The following PCDH9 variants were observed in gnomAD, a reference collection of about 807,000 sequenced individuals.
PCDH9 encodes protocadherin-9.
PCDH9 carries 24 observed loss-of-function variants against 70.6 expected under a neutral mutation model. That is an observed-to-expected ratio of 0.34 (90% CI 0.25 to 0.48). The LOEUF is 0.48. Among genes scored for constraint, PCDH9 ranks in the 20% least tolerant of loss-of-function variants. PCDH9 has a pLI of 0.99. For synonymous variants in PCDH9, 562 were observed against 558.5 expected, an observed-to-expected ratio of 1.01 and a Z score of -0.09; for missense variants, 1,281 against 1,503.6, an observed-to-expected ratio of 0.85 and a Z score of 2.45.
chr13:66,379,769 G>T (rs1298719181), intron 4 of PCDH9, among the ~76,000 whole-genome samples: 1 of 152,080 alleles, frequency 6.6e-6, no homozygotes, highest in Admixed American at 6.6e-5. Flanking sequence ...AAAATACTGT[G>T]TCTGAATTAT....
At position 66,984,217 on chromosome 13, in the gene PCDH9, A is replaced by G. The variant is rs189002469; in HGVS notation, c.3037-80612T>C. 3.3e-5 allele frequency among the ~76,000 whole-genome samples: 5 copies of G among 152,272 alleles called. No individual in the cohort carries two copies. In the East Asian group the frequency reaches 9.6e-4, roughly 29 times the overall value. On this transcript the variant is annotated intron_variant, in intron 2 of 4. Coordinates refer to ENST00000377865, the MANE Select transcript of PCDH9 (RefSeq NM_203487.3). ...GTCAGATTCCAGTTACTGTAACACAAAACAGGGAAATTGCTCACCATATAT... is the reference window on the plus strand; with the variant it reads ...GTCAGATTCCAGTTACTGTAACACAGAACAGGGAAATTGCTCACCATATAT...
In PCDH9 at chr13:67,225,398, C is replaced by T; in HGVS notation, c.3036+7G>A. ...GTACTTATAGACCAGTAAAAGTGCTCGTTTACCTGTCTGGTGTGTAAGGGG... is the reference window on the plus strand; with the variant it reads ...GTACTTATAGACCAGTAAAAGTGCTTGTTTACCTGTCTGGTGTGTAAGGGG... On this transcript the variant is annotated splice_region_variant and intron_variant, in intron 2 of 4. Transcript: ENST00000377865. 1 of 1,613,160 alleles carries T rather than the reference C, an allele frequency of 6.2e-7. No homozygotes were observed. The highest frequency in any genetic ancestry group is 2.2e-5 in the East Asian group (1 of 44,880).
At chr13:67,209,412 G>T (rs2089424528) in intron 2 of PCDH9, 1 of 152,020 alleles carries the variant, frequency 6.6e-6, no homozygotes, top group Admixed American at 6.6e-5. Flanking sequence ...TCCAAAATGT[G>T]GCATTTCTGG....
chr13:66,840,496 T>TA (rs2081098184), intron 3 of PCDH9, among the ~76,000 whole-genome samples: 1 of 152,256 alleles, frequency 6.6e-6, no homozygotes. Flanking sequence ...CTGTTTTATT[T>TA]AACGTATCTA....
At chr13:66,581,416 A>G (rs1009475919) in intron 4 of PCDH9, among the ~76,000 whole-genome samples, 5 of 152,158 alleles carry the variant, frequency 3.3e-5, no homozygotes, top group Non-Finnish European at 7.4e-5. Flanking sequence ...AACATTAAAC[A>G]CACCATCTGT....
At chr13:66,896,455 A>G (rs2082180316) in intron 3 of PCDH9, among the ~76,000 whole-genome samples, 1 of 152,130 alleles carries the variant, frequency 6.6e-6, no homozygotes, top group South Asian at 2.1e-4. Flanking sequence ...TTTAAAAAAT[A>G]ATAATAAGAG....
intron 3 of PCDH9, among the ~76,000 whole-genome samples, chr13:66,719,964 G>A (rs938285982): frequency 5.4e-4 from 82 of 152,130 alleles, no homozygotes; most frequent in Non-Finnish European, 1.2e-3. Context: ...GAAGAAGGAA[G>A]TATCTGTGGA....
rs191821218 is a variant in PCDH9, at chr13:66,550,548, T to A, written c.3340+80662A>T. Among the ~76,000 whole-genome samples the A allele has an allele frequency of 4.3e-3, 656 of 152,268 alleles. 2 individuals are homozygous for A. Among genetic ancestry groups the A allele is most frequent in the African/African-American group, 0.015 (627 of 41,560 alleles). The stretch of plus-strand genomic sequence containing the variant: ...TTCTTCATTCCCTCCACCATCTTTC[T>A]GCCAGGTTGATGGAGCTAACATCTT... On this transcript the variant is annotated intron_variant, in intron 4 of 4. Coordinates refer to ENST00000377865, the MANE Select transcript of PCDH9 (RefSeq NM_203487.3).
chr13:66,633,475 T>A (rs2077598155), intron 3 of PCDH9, among the ~76,000 whole-genome samples: 1 of 152,194 alleles, frequency 6.6e-6, no homozygotes, highest in Non-Finnish European at 1.5e-5. Context: ...ATATTAGCCA[T>A]TTATGTTTCA....
At chr13:66,556,915 C>T (rs1961763104) in intron 4 of PCDH9, among the ~76,000 whole-genome samples, 1 of 152,044 alleles carries the variant, frequency 6.6e-6, no homozygotes, top group South Asian at 2.1e-4. Flanking sequence ...AGATTGGCAG[C>T]TATGTTATAT....
At chr13:67,044,150 T>C (rs2085177013) in intron 2 of PCDH9, among the ~76,000 whole-genome samples, 1 of 152,138 alleles carries the variant, frequency 6.6e-6, no homozygotes, top group South Asian at 2.1e-4. Flanking sequence ...TCACAGATAC[T>C]AGGCAGACAA....
intron 4 of PCDH9, among the ~76,000 whole-genome samples, chr13:66,451,105 A>G (rs1958199418): frequency 6.6e-6 from 1 of 152,216 alleles, no homozygotes; most frequent in Non-Finnish European, 1.5e-5. Context: ...ACATGTATAC[A>G]TATGTAACAA....
chr13:67,127,676 A>ATGTGTGTGTGTGTGTGTGTG (rs142545550), intron 2 of PCDH9, among the ~76,000 whole-genome samples: 1 of 145,488 alleles, frequency 6.9e-6, no homozygotes. Flanking sequence ...ATATATATAT[A>ATGTGTGTGTGTGTGTGTGTG]TGTGTGTGTG....
intron 4 of PCDH9, among the ~76,000 whole-genome samples, chr13:66,514,781 T>A (rs955175990): frequency 3.3e-5 from 5 of 152,072 alleles, no homozygotes; most frequent in African/African-American, 1.2e-4. Flanking sequence ...CTACATAATG[T>A]AAAAGCAATG....
chr13:66,739,144 C>T (rs562388005), intron 3 of PCDH9, among the ~76,000 whole-genome samples: 46 of 144,640 alleles, frequency 3.2e-4, no homozygotes, highest in East Asian at 8.1e-4. Context: ...GCGGATCTCT[C>T]GGCAGAAACC....
chr13:66,420,402 C>T (rs1397324436), intron 4 of PCDH9, among the ~76,000 whole-genome samples: 1 of 152,192 alleles, frequency 6.6e-6, no homozygotes, highest in Non-Finnish European at 1.5e-5. Context: ...CAGGGGTCAA[C>T]AGACACCTCA....
intron 3 of PCDH9, among the ~76,000 whole-genome samples, chr13:66,857,073 G>A (rs2081406513): frequency 6.6e-6 from 1 of 151,924 alleles, no homozygotes; most frequent in South Asian, 2.1e-4. Flanking sequence ...TATTATTTTA[G>A]TCCTTTTAAT....
At chr13:66,467,305 A>C (rs994189569) in intron 4 of PCDH9, among the ~76,000 whole-genome samples, 2 of 152,058 alleles carry the variant, frequency 1.3e-5, no homozygotes, top group Non-Finnish European at 1.5e-5. Flanking sequence ...GCCAACCCTC[A>C]GTCTTACTGG....
intron 4 of PCDH9, among the ~76,000 whole-genome samples, chr13:66,595,458 A>G (rs2077091626): frequency 6.6e-6 from 1 of 151,714 alleles, no homozygotes; most frequent in Non-Finnish European, 1.5e-5. Flanking sequence ...AATGCATTGT[A>G]TATGCTTGGT....
Sources: allele counts gnomAD v4.1 joint callset (sites outside exome capture counted in the v4.1 genomes callset), GRCh38; gene constraint gnomAD v4.1.1; transcripts MANE v1.5; gene names NCBI Gene and HGNC (gene_info 2026-07-23, HGNC 2026-07-21).